Variants in RNF40 observed in about 807,000 individuals in gnomAD.
RNF40 encodes the protein E3 ubiquitin-protein ligase BRE1B.
In RNF40, 39 loss-of-function variants were observed where a neutral mutation model predicts 123.3. The ratio of observed to expected loss-of-function variants is 0.32; its 90% CI spans 0.24 to 0.41. The LOEUF (loss-of-function observed/expected upper bound fraction) is 0.41, where lower values mean the gene tolerates loss of function less well. RNF40 is among the 10% of genes least tolerant of loss of function. The pLI is 1.00. For synonymous variants in RNF40, 538 were observed against 526.0 expected (o/e 1.02, Z -0.31); for missense variants, 1,003 against 1,319.9 (o/e 0.76, Z 3.72).
chr16:30,765,613 C>G (rs962681770), intron 8 of RNF40, 114 bp downstream of exon 8: 1 of 909,148 alleles, frequency 1.1e-6, no homozygotes, highest in South Asian at 1.5e-5. Context: ...CTGGTCACTC[C>G]TGCTGCTCTT....
At position 30,768,522 on chromosome 16, in the gene RNF40, A is replaced by G. The variant is rs775854574; in HGVS notation, c.1971A>G (p.Ala657=). Residue 657 remains alanine, a synonymous_variant, in exon 13 of 20, where the codon GCA becomes GCG. Coordinates refer to ENST00000324685, the MANE Select transcript of RNF40 (RefSeq NM_014771.4). The surrounding 1 kb of genome is among the most constrained non-coding windows in gnomAD (Gnocchi z 4.1). ...CAGAACTCCTCAAGGGTCTCCGAGCAGAGCTCAAGTGAGGCTCTGTTCCTG... is the reference window on the plus strand; with the variant it reads ...CAGAACTCCTCAAGGGTCTCCGAGCGGAGCTCAAGTGAGGCTCTGTTCCTG... ...KESELLKGLR[A]ELKKAQESQK... is the part of the protein sequence containing the mutation. 2.5e-6 allele frequency: 4 copies of G among 1,610,962 alleles called. No individual in the cohort carries two copies. The highest frequency in any genetic ancestry group is 3.4e-6 in the Non-Finnish European group (4 of 1,177,790).
upstream of RNF40, chr16:30,761,850 C>T: frequency 8.7e-7 from 1 of 1,150,892 alleles, no homozygotes; most frequent in South Asian, 1.7e-5. Context: ...GCCCGTTCGC[C>T]TCGCTCCGGC....
At position 30,772,085 on chromosome 16, in the gene RNF40, C is replaced by T. The variant is rs746043641; in HGVS notation, c.2728-4C>T. 2.6e-6 allele frequency: 4 copies of T among 1,565,608 alleles called. No homozygotes were observed. The highest frequency in any genetic ancestry group is 2.6e-6 in the Non-Finnish European group (3 of 1,155,182). ...TGCCCTTAGCCAGGCCTCTCCTGCC[C>T]CAGGAGGACATCTCACGGCTGCGGC... On this transcript the variant is annotated splice_region_variant and splice_polypyrimidine_tract_variant and intron_variant, in intron 18 of 19. Transcript: ENST00000324685.
In RNF40 at chr16:30,766,916, G is replaced by A. The variant is rs1053746009; in HGVS notation, c.1429+40G>A. 2 of 1,603,090 alleles carry A rather than the reference G, an allele frequency of 1.2e-6. No homozygotes were observed. Among genetic ancestry groups the A allele is most frequent in the Admixed American group, 1.7e-5 (1 of 59,468 alleles). ...TAGGGCGGAGGTGGGGCCTTATCTG[G>A]GAGTGCTGGGCCCTGGTGTGGGGCT... On this transcript the variant is annotated intron_variant, in intron 11 of 19. Transcript: ENST00000324685. This position sits in a 1 kb window ranked among gnomAD's most constrained non-coding sequence, Gnocchi z 5.4.
rs1318931039 is a variant in RNF40 at position 30,775,833 on chromosome 16, T to C, written c.*1719T>C. The C allele has an allele frequency of 6.6e-6, 1 of 152,150 alleles. No individual in the cohort carries two copies. Among genetic ancestry groups the C allele is most frequent in the Non-Finnish European group, 1.5e-5 (1 of 68,048 alleles). 9.4% of individuals were successfully genotyped at this position (152,150 alleles called of 1,614,324 possible). On this transcript the variant is annotated 3_prime_UTR_variant, in exon 20 of 20. Coordinates refer to ENST00000324685, the MANE Select transcript of RNF40 (RefSeq NM_014771.4). The stretch of plus-strand genomic sequence containing the variant: ...TCAGCGGTGGCGCCTTCGGACCCTA[T>C]TGGCGCCCGGGACTTAAGCGGGGCC...
At position 30,775,368 on chromosome 16, in the gene RNF40, C is replaced by T. The variant is rs967776856; in HGVS notation, c.*1254C>T. On this transcript the variant is annotated 3_prime_UTR_variant, in exon 20 of 20. Transcript: ENST00000324685. ...GGTCGTCGCGGAGCCGCCTGTCCTGCTCCCACCGACCCCGGTCTGACCACG... is the reference window on the plus strand; with the variant it reads ...GGTCGTCGCGGAGCCGCCTGTCCTGTTCCCACCGACCCCGGTCTGACCACG... 4 of 254,722 alleles carry T rather than the reference C, an allele frequency of 1.6e-5. No individual in the cohort carries two copies. The highest frequency in any genetic ancestry group is 3.1e-5 in the Non-Finnish European group (4 of 128,544). 15.8% of individuals were successfully genotyped at this position (254,722 alleles called of 1,614,324 possible). A position where few individuals can be genotyped will look rare whatever the true frequency, so the allele number is the denominator to read the frequency against.
Position 30,766,752 on chromosome 16 carries a change from G to A in RNF40, c.1305G>A (p.Leu435=). Residue 435 remains leucine, a synonymous_variant, in exon 11 of 20, where the codon CTG becomes CTA. Coordinates refer to ENST00000324685, the MANE Select transcript of RNF40 (RefSeq NM_014771.4). This position sits in a 1 kb window ranked among gnomAD's most constrained non-coding sequence, Gnocchi z 5.4. ...ACATCAACCCACAGAGCGACGAGCT[G>A]GGGCTGCAGAAGAAGCTACGCACAG... is the stretch of plus-strand genomic sequence containing the variant. ...RHIEHMESDE[L]GLQKKLRTEV... 6.2e-7 allele frequency: 1 copy of A among 1,614,070 alleles called. No individual in the cohort carries two copies. Among genetic ancestry groups the A allele is most frequent in the Non-Finnish European group, 8.5e-7 (1 of 1,180,012 alleles).
chr16:30,769,683 A>G (rs1206686122), intron 17 of RNF40, 83 bp downstream of exon 17: 10 of 1,422,458 alleles, frequency 7.0e-6, no homozygotes, highest in Middle Eastern at 2.6e-4. Flanking sequence ...CACCCGATGC[A>G]ATAGCCTGAG....
rs1185110638 is a variant in RNF40 at position 30,775,000 on chromosome 16, C to T, written c.*886C>T. ...ATCATTCCAGCTAGAAGAGCTTCCC[C>T]CTGACACCCTGTGACTGAGCCTGTG... On this transcript the variant is annotated 3_prime_UTR_variant, in exon 20 of 20. Coordinates refer to ENST00000324685, the MANE Select transcript of RNF40 (RefSeq NM_014771.4). 3 of 456,432 alleles carry T rather than the reference C, an allele frequency of 6.6e-6. No individual in the cohort carries two copies. In the Admixed American group the frequency reaches 7.0e-5, roughly 11 times the overall value. The allele number at this position is 456,432 out of a possible 1,614,324, so 28.3% of individuals were successfully genotyped here.
upstream of RNF40, chr16:30,761,727 G>A (rs2053822971): frequency 6.5e-7 from 1 of 1,528,232 alleles, no homozygotes; most frequent in African/African-American, 1.4e-5. Context: ...CCCAAAAAGT[G>A]GCTGGTCTTG....
At chr16:30,770,722 G>GT (rs1008211238) in intron 17 of RNF40, among the ~76,000 whole-genome samples, 9 of 151,842 alleles carry the variant, frequency 5.9e-5, no homozygotes, top group African/African-American at 1.4e-4. Flanking sequence ...TTTTGTTGTT[G>GT]TTTTTTTTAG....
intron 17 of RNF40, 33 bp downstream of exon 17, chr16:30,769,633 G>A (rs1480703538): frequency 5.3e-6 from 8 of 1,497,696 alleles, no homozygotes; most frequent in Non-Finnish European, 7.1e-6. Context: ...CACAGCTTGG[G>A]CTGCTGGCTC....
intron 11 of RNF40, 24 bp from the exon 12 acceptor site, chr16:30,767,870 C>T (rs770912730): frequency 2.5e-6 from 4 of 1,614,118 alleles, no homozygotes; most frequent in Non-Finnish European, 3.4e-6. Context: ...GTTCTGACAC[C>T]TTTACTTGCT....
chr16:30,767,486 G>A lies in RNF40; in HGVS notation c.1430-408G>A, dbSNP rs1446556021. 2.0e-5 allele frequency among the ~76,000 whole-genome samples: 3 copies of A among 151,754 alleles called. No homozygotes were observed. In the East Asian group the frequency reaches 5.8e-4, roughly 29 times the overall value. ...GTTACAGTTACCTTCTCTATTAAAG[G>A]GAATTGGATGTATAAAAAAAAAAAA... On this transcript the variant is annotated intron_variant, in intron 11 of 19. Transcript: ENST00000324685.
chr16:30,768,562 C>T lies in RNF40; in HGVS notation c.1979+32C>T. 3 of 1,613,658 alleles carry T rather than the reference C, an allele frequency of 1.9e-6. No individual in the cohort carries two copies. Among genetic ancestry groups the T allele is most frequent in the Non-Finnish European group, 2.5e-6 (3 of 1,179,614 alleles). On this transcript the variant is annotated intron_variant, in intron 13 of 19. Coordinates refer to ENST00000324685, the MANE Select transcript of RNF40 (RefSeq NM_014771.4). The surrounding 1 kb of genome is among the most constrained non-coding windows in gnomAD (Gnocchi z 4.1). ...CTCTGTTCCTGTCTCCTTCCTGACCCTGCCAGGTGGCCTCCAGTCCCACTC... is the reference window on the plus strand; with the variant it reads ...CTCTGTTCCTGTCTCCTTCCTGACCTTGCCAGGTGGCCTCCAGTCCCACTC...
intron 5 of RNF40, 52 bp from the exon 6 acceptor site, chr16:30,764,886 T>G: frequency 6.3e-7 from 1 of 1,580,864 alleles, no homozygotes; most frequent in East Asian, 2.2e-5. Context: ...ATGAGTTAGT[T>G]GTTTGCCCCA....
upstream of RNF40, chr16:30,761,922 C>T: frequency 1.5e-6 from 1 of 652,986 alleles, no homozygotes. Flanking sequence ...TCCGTCTCAA[C>T]GGCGACGGTT....
chr16:30,768,130 C>T lies in RNF40; in HGVS notation c.1579C>T (p.His527Tyr), dbSNP rs562723285. ...KLRAQASGSAHSTPNLGHPED... is the reference protein window; with the variant it reads ...KLRAQASGSAYSTPNLGHPED... ...CCGGGCCCAGGCCAGTGGCTCTGCC[C>T]ACTCCACCCCCAACCTGGGCCACCC... Residue 527 changes from histidine (H) to tyrosine (Y), a missense_variant, in exon 13 of 20, where the codon CAC becomes TAC. Transcript: ENST00000324685. This position sits in a 1 kb window ranked among gnomAD's most constrained non-coding sequence, Gnocchi z 4.1. 3 of 1,607,666 alleles carry T rather than the reference C, an allele frequency of 1.9e-6. No homozygotes were observed. Among genetic ancestry groups the T allele is most frequent in the Admixed American group, 1.7e-5 (1 of 59,604 alleles).
At position 30,766,528 on chromosome 16, in the gene RNF40, C is replaced by A. The variant is rs2054034766; in HGVS notation, c.1263C>A (p.Asn421Lys). Residue 421 changes from asparagine to lysine, a missense_variant, in exon 10 of 20, where the codon AAC becomes AAA. By Grantham distance (94) the Asn-to-Lys change is moderately conservative. This residue lies in a region of RNF40 where 274 missense variants were observed against 356.9 expected (regional missense o/e 0.77). Transcript: ENST00000324685. This position sits in a 1 kb window ranked among gnomAD's most constrained non-coding sequence, Gnocchi z 5.4. ...GGGGCCTGCTGCTGGCCACAAAGAA[C>A]TCCCACCTGCGACACATCGAGCACA... ...EARGLLLATK[N>K]SHLRHIEHME... The A allele has an allele frequency of 6.2e-7, 1 of 1,612,256 alleles. No homozygotes were observed. The highest frequency in any genetic ancestry group is 8.5e-7 in the Non-Finnish European group (1 of 1,179,288).
Sources: allele counts gnomAD v4.1 joint callset (sites outside exome capture counted in the v4.1 genomes callset), GRCh38; gene constraint gnomAD v4.1.1; regional missense constraint gnomAD v4.1.1; non-coding constraint Gnocchi (gnomAD v3.1); transcripts MANE v1.5; gene names NCBI Gene and HGNC (gene_info 2026-07-23, HGNC 2026-07-21).